The following FAM53A variants were observed in gnomAD, a reference collection of about 807,000 sequenced individuals.
FAM53A encodes the protein family with sequence similarity 53 member A, also known as protein FAM53A.
Under a neutral mutation model 26.6 loss-of-function variants are expected in FAM53A, and 28 were observed. The ratio of observed to expected loss-of-function variants is 1.05; its 90% CI spans 0.78 to 1.45. The LOEUF (loss-of-function observed/expected upper bound fraction) is 1.45. Among genes scored for constraint, FAM53A ranks in the 40% most tolerant of loss-of-function variants. The pLI, the probability that FAM53A is intolerant of heterozygous loss-of-function variation, is 0.00. For synonymous variants in FAM53A, 290 were observed against 253.1 expected, an observed-to-expected ratio of 1.15 and a Z score of -1.38; for missense variants, 650 against 575.8, an observed-to-expected ratio of 1.13 and a Z score of -1.32.
At chr4:1,577,730 A>G in the FAM53A span, among the ~76,000 whole-genome samples, 1 of 152,174 alleles carries the variant, frequency 6.6e-6, no homozygotes, top group Non-Finnish European at 1.5e-5. Context: ...TAATTGGCCT[A>G]TCTGACTCTG....
At chr4:1,651,116 C>G in intron 4 of FAM53A, among the ~76,000 whole-genome samples, 1 of 151,304 alleles carries the variant, frequency 6.6e-6, no homozygotes, top group Non-Finnish European at 1.5e-5. Context: ...ACTCGGGAAG[C>G]TGAGGCAGGA....
At chr4:1,657,760 C>T (rs1183707464) in intron 2 of FAM53A, among the ~76,000 whole-genome samples, 1 of 151,968 alleles carries the variant, frequency 6.6e-6, no homozygotes, top group Non-Finnish European at 1.5e-5. Context: ...GCCTCAGCCT[C>T]CCAAGTAGCT....
chr4:1,619,662 G>A (rs561599087), intron 1 of FAM53A, among the ~76,000 whole-genome samples: 4 of 151,272 alleles, frequency 2.6e-5, no homozygotes, highest in East Asian at 3.9e-4. Flanking sequence ...TCTGACTCAC[G>A]CACCGGGCAC....
intron 1 of FAM53A, among the ~76,000 whole-genome samples, chr4:1,682,696 C>T (rs1284721174): frequency 6.6e-6 from 1 of 152,002 alleles, no homozygotes; most frequent in Non-Finnish European, 1.5e-5. Flanking sequence ...TTTCTGTTTC[C>T]TGTGCACATC....
intron 2 of FAM53A, among the ~76,000 whole-genome samples, chr4:1,667,065 T>C (rs1714288581): frequency 1.3e-5 from 2 of 150,970 alleles, no homozygotes; most frequent in South Asian, 2.1e-4. Context: ...GAGGTGGAGG[T>C]TGCAGTGAGC....
the FAM53A span, among the ~76,000 whole-genome samples, chr4:1,587,597 A>G: frequency 8.0e-3 from 1,223 of 152,242 alleles, 10 homozygotes; most frequent in Non-Finnish European, 0.014. Context: ...GCTTGAACCC[A>G]GGAGGCAGAA....
In FAM53A at chr4:1,640,785, G is replaced by A. The variant is rs1210229102; in HGVS notation, c.*508C>T. The A allele has an allele frequency of 3.4e-5, 13 of 384,532 alleles. No homozygotes were observed. Among genetic ancestry groups the A allele is most frequent in the Non-Finnish European group, 4.9e-5 (10 of 204,286 alleles). The allele number at this position is 384,532 out of a possible 1,614,324, so 23.8% of individuals were successfully genotyped here. ...AGGTGCCGGTGGCAGCCATGGCCCC[G>A]ACCAGCTCACAGGAAACCTACTCTG... On this transcript the variant is annotated 3_prime_UTR_variant, in exon 5 of 5. Coordinates refer to ENST00000308132, the MANE Select transcript of FAM53A (RefSeq NM_001174070.3).
At chr4:1,674,207 G>A (rs1286090954) in intron 1 of FAM53A, among the ~76,000 whole-genome samples, 1 of 152,092 alleles carries the variant, frequency 6.6e-6, no homozygotes, top group Non-Finnish European at 1.5e-5. Context: ...GGGAGTCCTC[G>A]GCAGTTCCTG....
chr4:1,607,441 C>T, the FAM53A span, among the ~76,000 whole-genome samples: 2 of 152,050 alleles, frequency 1.3e-5, no homozygotes, highest in East Asian at 1.9e-4. Context: ...CATGGGACCT[C>T]GTGCCATTCA....
At chr4:1,643,206 C>T (rs946283257) in intron 4 of FAM53A, among the ~76,000 whole-genome samples, 3 of 152,204 alleles carry the variant, frequency 2.0e-5, no homozygotes. Flanking sequence ...GTGGCTCACA[C>T]CTGTAATCCC....
In FAM53A at chr4:1,659,441, C is replaced by T. The variant is rs997080110; in HGVS notation, c.76-1973G>A. 3.3e-5 allele frequency among the ~76,000 whole-genome samples: 5 copies of T among 152,240 alleles called. No individual in the cohort carries two copies. The highest frequency in any genetic ancestry group is 4.8e-5 in the African/African-American group (2 of 41,470). ...CCAGCTCGACGCTGCCACGGAAAAA[C>T]GTCTAGCAAGGAAAGGACTTTCCCA... On this transcript the variant is annotated intron_variant, in intron 2 of 4. Transcript: ENST00000308132. The surrounding 1 kb of genome is among the most constrained non-coding windows in gnomAD (Gnocchi z 5.2).
the FAM53A span, among the ~76,000 whole-genome samples, chr4:1,575,583 C>T: frequency 7.9e-5 from 12 of 152,134 alleles, no homozygotes; most frequent in Admixed American, 1.3e-4. Flanking sequence ...GGACGGGGAG[C>T]GCCTTGCCCG....
chr4:1,599,231 GCCGT>G, the FAM53A span, among the ~76,000 whole-genome samples: 1 of 48,570 alleles, frequency 2.1e-5, no homozygotes, highest in Non-Finnish European at 6.9e-5. The surrounding 1 kb of genome is among the most constrained non-coding windows in gnomAD (Gnocchi z 6.1). Flanking sequence ...GGAGCGCAGG[GCCGT>G]CAGCTCCAAC....
At chr4:1,647,132 C>T (rs757858913) in intron 4 of FAM53A, among the ~76,000 whole-genome samples, 11 of 151,870 alleles carry the variant, frequency 7.2e-5, no homozygotes, top group Admixed American at 1.3e-4. Context: ...GTCTAGAGTT[C>T]GAGACCAGCA....
chr4:1,663,860 TA>T (rs1714034680), intron 2 of FAM53A, among the ~76,000 whole-genome samples: 1 of 145,676 alleles, frequency 6.9e-6, no homozygotes, highest in Non-Finnish European at 1.5e-5. Flanking sequence ...AAAAAAAAGC[TA>T]AATCAACTTT....
At chr4:1,638,171 G>C (rs1715932420), downstream of FAM53A, among the ~76,000 whole-genome samples, 2 of 151,820 alleles carry the variant, frequency 1.3e-5, no homozygotes. Context: ...GGCCAACCAA[G>C]GGACTCAAAT....
chr4:1,630,014 A>C lies in FAM53A; in HGVS notation c.432-11903T>G, dbSNP rs112850916. ...CCTTCCCTTCTGTGCTCCCTTCCTCATCCTTCCCCATGTCCCCCTGCTTCC... is the reference window on the plus strand; with the variant it reads ...CCTTCCCTTCTGTGCTCCCTTCCTCCTCCTTCCCCATGTCCCCCTGCTTCC... On this transcript the variant is annotated intron_variant, in intron 1 of 1. Coordinates refer to the FAM53A transcript ENST00000489029. This position sits in a 1 kb window ranked among gnomAD's most constrained non-coding sequence, Gnocchi z 4.3. Among the ~76,000 whole-genome samples the C allele has an allele frequency of 2.0e-5, 3 of 152,008 alleles. No individual in the cohort carries two copies. Among genetic ancestry groups the C allele is most frequent in the African/African-American group, 4.8e-5 (2 of 41,482 alleles).
the FAM53A span, among the ~76,000 whole-genome samples, chr4:1,610,965 G>A: frequency 6.6e-6 from 1 of 152,202 alleles, no homozygotes; most frequent in Non-Finnish European, 1.5e-5. Flanking sequence ...CACCCACCCT[G>A]CTCCAGGGCA....
At chr4:1,606,634 G>A in the FAM53A span, among the ~76,000 whole-genome samples, 1 of 152,218 alleles carries the variant, frequency 6.6e-6, no homozygotes, top group Non-Finnish European at 1.5e-5. Flanking sequence ...ACGATGGCTC[G>A]TTTCACTCAG....
Sources: allele counts gnomAD v4.1 joint callset (sites outside exome capture counted in the v4.1 genomes callset), GRCh38; gene constraint gnomAD v4.1.1; non-coding constraint Gnocchi (gnomAD v3.1); transcripts MANE v1.5; gene names NCBI Gene and HGNC (gene_info 2026-07-23, HGNC 2026-07-21).